The following SPAG8 variants were observed in gnomAD, a reference collection of about 807,000 sequenced individuals.
SPAG8 encodes sperm associated antigen 8.
Under a neutral mutation model 45.3 loss-of-function variants are expected in SPAG8, and 36 were observed. The observed-to-expected ratio is 0.80, with a 90% CI of 0.61 to 1.05. SPAG8 has a LOEUF of 1.05. Among genes scored for constraint, SPAG8 ranks in the 50% least tolerant of loss-of-function variants. The probability of loss-of-function intolerance (pLI) is 0.00; values close to 1 mark genes in which losing one functional copy is unlikely to be tolerated. For synonymous variants in SPAG8, 227 were observed against 232.6 expected (o/e 0.98, Z 0.22); for missense variants, 573 against 609.2 (o/e 0.94, Z 0.63).
In SPAG8 at chr9:35,810,993, C is replaced by T. The variant is rs376359833; in HGVS notation, c.929G>A (p.Arg310Gln). ...AGTCAGCAGTCCCCGGTGTCCGTGT[C>T]GGAAGAAAAAACTCTCAGAGCCATC... ...MQDGSESFFF[R>Q]HGHRGLLTMQ... Residue 310 changes from arginine (R) to glutamine (Q), a missense_variant, in exon 3 of 7, where the codon CGA (arginine) becomes CAA (glutamine). Transcript: ENST00000396638. 1.9e-4 allele frequency: 306 copies of T among 1,613,954 alleles called. 1 individual carries two copies. In the South Asian group the frequency reaches 1.9e-3, roughly 10 times the overall value.
downstream of SPAG8, chr9:35,808,945 A>G: frequency 2.0e-6 from 2 of 983,232 alleles, no homozygotes; most frequent in Non-Finnish European, 3.3e-6. This position sits in a 1 kb window ranked among gnomAD's most constrained non-coding sequence, Gnocchi z 4.0. Context: ...AATCTGAGAG[A>G]CCACAGTTCC....
Position 35,810,444 on chromosome 9 carries a change from T to A in SPAG8, c.1195A>T (p.Thr399Ser). ...ELAQAGTPAP[T>S]KPHDYRQEQP... Reference sequence around the variant, plus strand: ...GATGGGGGGTGGGTTCTCACCTTTGTTGGGGCAGGAGTCCCTGCTTGTGCC... The same window carrying A: ...GATGGGGGGTGGGTTCTCACCTTTGATGGGGCAGGAGTCCCTGCTTGTGCC... Residue 399 changes from threonine to serine, a missense_variant, in exon 5 of 7, where the codon ACA becomes TCA. Transcript: ENST00000396638. The A allele has an allele frequency of 1.2e-6, 2 of 1,613,686 alleles. No homozygotes were observed. Among genetic ancestry groups the A allele is most frequent in the South Asian group, 2.2e-5 (2 of 91,086 alleles).
Position 35,811,397 on chromosome 9 carries a change from A to G in SPAG8, c.649T>C (p.Phe217Leu), listed in dbSNP as rs758495126. 6.2e-7 allele frequency: 1 copy of G among 1,614,118 alleles called. No homozygotes were observed. The highest frequency in any genetic ancestry group is 1.7e-5 in the Admixed American group (1 of 60,014). The change falls in exon 2 of 7, where the codon TTC becomes CTC. Residue 217 changes from phenylalanine to leucine, a missense_variant. Transcript: ENST00000396638. ...SELSPCIPPG[F>L]RNLVADRVPN... is the part of the protein sequence containing the mutation. ...ACCCGATCTGCCACCAGGTTTCTGA[A>G]CCCTGGAGGAATACAGGGGCTGAGC...
In SPAG8 at chr9:35,809,880, T is replaced by C. The variant is rs1828677030; in HGVS notation, c.*58A>G. The C allele has an allele frequency of 2.0e-6, 3 of 1,534,512 alleles. No individual in the cohort carries two copies. The highest frequency in any genetic ancestry group is 2.6e-6 in the Non-Finnish European group (3 of 1,145,438). On this transcript the variant is annotated 3_prime_UTR_variant, in exon 7 of 7. Coordinates refer to ENST00000396638, the MANE Select transcript of SPAG8 (RefSeq NM_001039592.2). The surrounding 1 kb of genome is among the most constrained non-coding windows in gnomAD (Gnocchi z 4.1). Reference sequence around the variant, plus strand: ...AGTGAGAATTAACTTCCTCCCGACCTCTCTAGTGCAGACAGAAATAGATTC... The same window carrying C: ...AGTGAGAATTAACTTCCTCCCGACCCCTCTAGTGCAGACAGAAATAGATTC...
Position 35,811,061 on chromosome 9 carries a change from T to C in SPAG8, c.865-4A>G, listed in dbSNP as rs376093318. On this transcript the variant is annotated splice_region_variant and splice_polypyrimidine_tract_variant and intron_variant, in intron 2 of 6. Coordinates refer to ENST00000396638, the MANE Select transcript of SPAG8 (RefSeq NM_001039592.2). ...GATCCAGGTGGTTGGTGGCTCTCTG[T>C]GGATCCCAAGTTGAATGACTATAAT... The C allele has an allele frequency of 1.9e-6, 3 of 1,612,080 alleles. No individual in the cohort carries two copies. In the African/African-American group the frequency reaches 4.0e-5, roughly 22 times the overall value.
At position 35,811,985 on chromosome 9, in the gene SPAG8, G is replaced by T; in HGVS notation, c.61C>A (p.Pro21Thr). ...RSRSRSLDIQ[P>T]SSEGLGPTSE... The stretch of plus-strand genomic sequence containing the variant: ...GTGGGCCCCAGTCCTTCGGAGCTGG[G>T]CTGTATGTCTAAAGATCTGAAAGAA... Residue 21 changes from proline (P) to threonine (T), a missense_variant, in exon 2 of 7, where the codon CCC becomes ACC. Physicochemically the swap from Pro to Thr is conservative, Grantham distance 38. Coordinates refer to ENST00000396638, the MANE Select transcript of SPAG8 (RefSeq NM_001039592.2). 1 of 1,603,020 alleles carries T rather than the reference G, an allele frequency of 6.2e-7. No homozygotes were observed. Among genetic ancestry groups the T allele is most frequent in the Non-Finnish European group, 8.5e-7 (1 of 1,173,270 alleles).
chr9:35,808,498 C>A, downstream of SPAG8: 1 of 1,613,788 alleles, frequency 6.2e-7, no homozygotes, highest in Non-Finnish European at 8.5e-7. The surrounding 1 kb of genome is among the most constrained non-coding windows in gnomAD (Gnocchi z 4.0). Context: ...TTTAATCCCC[C>A]TCTCAATCAG....
chr9:35,810,617 C>T lies in SPAG8; in HGVS notation c.1085+20G>A, dbSNP rs1563996843. 6.2e-7 allele frequency: 1 copy of T among 1,614,148 alleles called. No homozygotes were observed. The highest frequency in any genetic ancestry group is 1.7e-5 in the Admixed American group (1 of 60,022). On this transcript the variant is annotated intron_variant, in intron 4 of 6. Coordinates refer to ENST00000396638, the MANE Select transcript of SPAG8 (RefSeq NM_001039592.2). ...ATTTTTCTCCTCCCCATCCCTCTTC[C>T]CCTTTACCCAATCCCTTACCAGATC... is the stretch of plus-strand genomic sequence containing the variant.
downstream of SPAG8, chr9:35,808,545 G>C: frequency 6.2e-7 from 1 of 1,614,064 alleles, no homozygotes; most frequent in Non-Finnish European, 8.5e-7. This position sits in a 1 kb window ranked among gnomAD's most constrained non-coding sequence, Gnocchi z 4.0. Flanking sequence ...GGTGGTATCT[G>C]GCCTCCCAGG....
rs779222362 is a variant in SPAG8, at chr9:35,810,134, TGGA to T, written c.1264-5_1264-3del. 7.5e-6 allele frequency: 12 copies of T among 1,609,742 alleles called. No individual in the cohort carries two copies. The South Asian group carries it at 1.3e-4, about 18-fold the overall frequency. The stretch of plus-strand genomic sequence containing the variant: ...CAATGTCCTGATGTTACTGACACCC[TGGA>T]GGAGTGCCAGGATGAGGATGGATCC... On this transcript the variant is annotated splice_polypyrimidine_tract_variant and splice_region_variant and intron_variant, in intron 6 of 6. Coordinates refer to ENST00000396638, the MANE Select transcript of SPAG8 (RefSeq NM_001039592.2).
At chr9:35,808,167 A>G, downstream of SPAG8, 2 of 1,609,448 alleles carry the variant, frequency 1.2e-6, no homozygotes, top group Non-Finnish European at 1.7e-6. This position sits in a 1 kb window ranked among gnomAD's most constrained non-coding sequence, Gnocchi z 4.0. Context: ...GGCCTGCTTT[A>G]CCTCCTCACC....
At chr9:35,807,892 T>C (rs2132097126), downstream of SPAG8, among the ~76,000 whole-genome samples, 1 of 152,366 alleles carries the variant, frequency 6.6e-6, no homozygotes, top group East Asian at 1.9e-4. Context: ...AGAATCTCCC[T>C]GAGCCTCAGT....
rs1324729223 is a variant in SPAG8, at chr9:35,809,951, A to T, written c.1445T>A (p.Met482Lys). ...GGRLGGGGGRMTPF is the reference protein window; with the variant it reads ...GGRLGGGGGRKTPF ...CCTCCTCACCCCTCAGAAAGGAGTC[A>T]TTCTCCCCCCTCCACCACCCAGCCT... Residue 482 changes from methionine to lysine, a missense_variant, in exon 7 of 7, where the codon ATG becomes AAG. Coordinates refer to ENST00000396638, the MANE Select transcript of SPAG8 (RefSeq NM_001039592.2). The surrounding 1 kb of genome is among the most constrained non-coding windows in gnomAD (Gnocchi z 4.1). 6 of 1,579,538 alleles carry T rather than the reference A, an allele frequency of 3.8e-6. No homozygotes were observed. In the African/African-American group the frequency reaches 8.1e-5, roughly 21 times the overall value.
rs368334220 is a variant in SPAG8 at position 35,811,733 on chromosome 9, T to A, written c.313A>T (p.Asn105Tyr). 5.0e-6 allele frequency: 8 copies of A among 1,614,224 alleles called. No homozygotes were observed. The Middle Eastern group carries it at 8.2e-4, about 166-fold the overall frequency. Residue 105 changes from asparagine (N) to tyrosine (Y), a missense_variant, in exon 2 of 7, where the codon AAT (asparagine) becomes TAT (tyrosine). Physicochemically the swap from Asn to Tyr is moderately radical, Grantham distance 143. Transcript: ENST00000396638. ...AAGCCAAGACTCCCATGGGCTATAT[T>A]GTGGGTAAAGCCGGGTCCCGCACAG... Reference protein sequence around the residue: ...EPCAGPGFTHNIAHGSLGFEP... With the variant: ...EPCAGPGFTHYIAHGSLGFEP...
chr9:35,811,351 C>T lies in SPAG8; in HGVS notation c.695G>A (p.Ser232Asn), dbSNP rs1427476020. ...ADRVPNYTSW[S>N]QHCPWEPQKQ... is the part of the protein sequence containing the mutation. ...CTGGGGCTCCCAGGGGCAGTGCTGA[C>T]TCCAGGAGGTATAGTTAGGGACCCG... The change falls in exon 2 of 7, where the codon AGT becomes AAT. Residue 232 changes from serine (S) to asparagine (N), a missense_variant. Transcript: ENST00000396638. The T allele has an allele frequency of 1.2e-6, 2 of 1,614,082 alleles. No homozygotes were observed. Among genetic ancestry groups the T allele is most frequent in the Non-Finnish European group, 1.7e-6 (2 of 1,180,042 alleles).
In SPAG8 at chr9:35,811,908, A is replaced by G; in HGVS notation, c.138T>C (p.Ala46=). 1 of 1,610,000 alleles carries G rather than the reference A, an allele frequency of 6.2e-7. No homozygotes were observed. Among genetic ancestry groups the G allele is most frequent in the South Asian group, 1.1e-5 (1 of 90,992 alleles). ...CAGCCGCTGCAGCTGCTGCGGTTGCAGCTGCCAGGGCCGACCTGGGACTGT... is the reference window on the plus strand; with the variant it reads ...CAGCCGCTGCAGCTGCTGCGGTTGCGGCTGCCAGGGCCGACCTGGGACTGT... ...SDDSPRSALA[A]ATAAAAAAAS... Residue 46 remains alanine (A), a synonymous_variant, in exon 2 of 7, where the codon GCT becomes GCC. Coordinates refer to ENST00000396638, the MANE Select transcript of SPAG8 (RefSeq NM_001039592.2).
chr9:35,810,405 T>C, intron 5 of SPAG8, 34 bp downstream of exon 5: 1 of 1,595,802 alleles, frequency 6.3e-7, no homozygotes, highest in South Asian at 1.1e-5. Flanking sequence ...GCCCAGCTGG[T>C]GCAAGTGGCG....
rs752889326 is a variant in SPAG8, at chr9:35,812,167, G to T, written c.-20C>A. 3 of 1,602,562 alleles carry T rather than the reference G, an allele frequency of 1.9e-6. No homozygotes were observed. The highest frequency in any genetic ancestry group is 2.5e-6 in the Non-Finnish European group (3 of 1,179,878). ...CTCCATCTTCAGACTCCAGCTACTG[G>T]GTTGCCATAGAGACAGCAAACAACT... On this transcript the variant is annotated 5_prime_UTR_variant, in exon 1 of 7. Transcript: ENST00000396638.
downstream of SPAG8, chr9:35,808,858 G>C (rs780328470): frequency 1.1e-5 from 17 of 1,534,858 alleles, no homozygotes; most frequent in Admixed American, 1.7e-5. The surrounding 1 kb of genome is among the most constrained non-coding windows in gnomAD (Gnocchi z 4.0). Context: ...GTCAAGGTAA[G>C]ACATTAGCCC....
Sources: gnomAD v4.1 joint callset for allele counts (sites outside exome capture counted in the v4.1 genomes callset) on GRCh38, gnomAD v4.1.1 for gene constraint, Gnocchi (gnomAD v3.1) non-coding constraint, MANE v1.5 for transcripts, NCBI Gene and HGNC (gene_info 2026-07-23, HGNC 2026-07-21) for gene names.